The following DOCK3 variants were observed in gnomAD, a reference collection of about 807,000 sequenced individuals.
DOCK3 encodes the protein dedicator of cytokinesis 3, also known as dedicator of cytokinesis protein 3.
A neutral mutation model predicts 265.6 loss-of-function variants in DOCK3; 60 were observed. The ratio of observed to expected loss-of-function variants is 0.23; its 90% CI spans 0.18 to 0.28. The LOEUF (loss-of-function observed/expected upper bound fraction) is 0.28. DOCK3 is among the 10% of genes least tolerant of loss of function. The pLI is 1.00. For missense variants in DOCK3, 1,981 were observed against 2,594.3 expected, an observed-to-expected ratio of 0.76 and a Z score of 5.14; for synonymous variants, 881 against 938.0, an observed-to-expected ratio of 0.94 and a Z score of 1.11.
chr3:51,092,532 C>T (rs1315353622), intron 9 of DOCK3, among the ~76,000 whole-genome samples: 2 of 152,230 alleles, frequency 1.3e-5, no homozygotes, highest in African/African-American at 2.4e-5. Flanking sequence ...ATAGATAAAA[C>T]CCCCATCTCC....
intron 7 of DOCK3, among the ~76,000 whole-genome samples, chr3:51,084,300 T>TA (rs759789490): frequency 6.6e-6 from 1 of 152,060 alleles, no homozygotes; most frequent in African/African-American, 2.4e-5. Context: ...ATCAAACTAT[T>TA]AAAAATCAAA....
intron 2 of DOCK3, among the ~76,000 whole-genome samples, chr3:50,838,074 A>G (rs2045615086): frequency 6.6e-6 from 1 of 152,212 alleles, no homozygotes; most frequent in Admixed American, 6.5e-5. Flanking sequence ...TACCCAAACC[A>G]TTTCCAATAA....
chr3:50,935,688 G>A (rs62257822), intron 5 of DOCK3, among the ~76,000 whole-genome samples: 1 of 152,144 alleles, frequency 6.6e-6, no homozygotes, highest in Non-Finnish European at 1.5e-5. Flanking sequence ...GGCAGTGCTT[G>A]TCCCCACCCA....
chr3:51,163,030 C>G (rs1234570580), intron 12 of DOCK3, among the ~76,000 whole-genome samples: 1 of 152,104 alleles, frequency 6.6e-6, no homozygotes, highest in African/African-American at 2.4e-5. Flanking sequence ...TAGGATTAGT[C>G]ATTTTAATCC....
At chr3:50,730,116 A>G (rs1300455930) in intron 1 of DOCK3, among the ~76,000 whole-genome samples, 1 of 152,132 alleles carries the variant, frequency 6.6e-6, no homozygotes, top group Non-Finnish European at 1.5e-5. Context: ...AAGAAGTAAT[A>G]CTAACTTTGC....
chr3:50,975,665 T>A (rs1320382185), intron 5 of DOCK3, among the ~76,000 whole-genome samples: 1 of 152,202 alleles, frequency 6.6e-6, no homozygotes, highest in Non-Finnish European at 1.5e-5. Flanking sequence ...ATGAAATGAG[T>A]TAGGGAGGAT....
intron 1 of DOCK3, among the ~76,000 whole-genome samples, chr3:50,713,565 C>T (rs2036903920): frequency 6.6e-6 from 1 of 152,082 alleles, no homozygotes; most frequent in Admixed American, 6.6e-5. Context: ...TTCAGTGTTT[C>T]AAGTACAGTA....
intron 5 of DOCK3, among the ~76,000 whole-genome samples, chr3:51,000,944 C>T (rs7614881): frequency 0.83 from 126,950 of 152,292 alleles, 53,390 homozygotes; most frequent in East Asian, 0.94. Context: ...TGGGCCGCCA[C>T]ACCCAGCCTG....
intron 5 of DOCK3, among the ~76,000 whole-genome samples, chr3:50,997,969 A>T (rs538572169): frequency 1.3e-5 from 2 of 152,176 alleles, no homozygotes; most frequent in Non-Finnish European, 2.9e-5. Flanking sequence ...AGAGAATATA[A>T]TGTATTTTAA....
chr3:51,169,801 T>C (rs2086586971), intron 12 of DOCK3, among the ~76,000 whole-genome samples: 2 of 152,168 alleles, frequency 1.3e-5, no homozygotes, highest in Admixed American at 6.5e-5. Flanking sequence ...CTTAATGTGG[T>C]ACGTCACATT....
intron 9 of DOCK3, among the ~76,000 whole-genome samples, chr3:51,098,447 A>G (rs2082954822): frequency 6.6e-6 from 1 of 152,210 alleles, no homozygotes; most frequent in African/African-American, 2.4e-5. Flanking sequence ...TGCTTCTATA[A>G]TTGAAATAGA....
chr3:50,980,471 A>G (rs999063377), intron 5 of DOCK3, among the ~76,000 whole-genome samples: 3 of 152,196 alleles, frequency 2.0e-5, no homozygotes, highest in Admixed American at 1.3e-4. Context: ...TGCTGGCCTC[A>G]TAGAGTAAGT....
At chr3:51,031,831 T>G (rs2080060044) in intron 5 of DOCK3, among the ~76,000 whole-genome samples, 1 of 152,158 alleles carries the variant, frequency 6.6e-6, no homozygotes, top group African/African-American at 2.4e-5. Flanking sequence ...TGGAGGGAAC[T>G]TCCAGCATGT....
chr3:51,164,065 A>G (rs1293073631), intron 12 of DOCK3, among the ~76,000 whole-genome samples: 1 of 152,110 alleles, frequency 6.6e-6, no homozygotes, highest in Non-Finnish European at 1.5e-5. Flanking sequence ...ATGCTTTCAC[A>G]CTGGAAATTC....
At chr3:50,801,587 G>GT (rs1430803117) in intron 2 of DOCK3, among the ~76,000 whole-genome samples, 1 of 152,066 alleles carries the variant, frequency 6.6e-6, no homozygotes, top group Non-Finnish European at 1.5e-5. Flanking sequence ...CAATCTTAAA[G>GT]TTTTTTTTGA....
At chr3:51,366,106 C>A (rs1387536134) in intron 49 of DOCK3, among the ~76,000 whole-genome samples, 2 of 152,194 alleles carry the variant, frequency 1.3e-5, no homozygotes, top group Non-Finnish European at 2.9e-5. Flanking sequence ...GGCTGTGAAT[C>A]CATCTGGTCT....
intron 27 of DOCK3, among the ~76,000 whole-genome samples, chr3:51,284,936 T>G (rs1236490645): frequency 1.3e-5 from 2 of 152,188 alleles, no homozygotes; most frequent in Non-Finnish European, 2.9e-5. Flanking sequence ...CAACAGATCC[T>G]CTTCCCCAGC....
Position 51,209,917 on chromosome 3 carries a change from A to T in DOCK3, c.1126+1055A>T, listed in dbSNP as rs1207202917. Among the ~76,000 whole-genome samples the T allele has an allele frequency of 2.6e-5, 4 of 152,348 alleles. No individual in the cohort carries two copies. The East Asian group carries it at 7.7e-4, about 29-fold the overall frequency. On this transcript the variant is annotated intron_variant, in intron 13 of 52. Transcript: ENST00000266037. ...TTTTTAAATGACAGTATTCCCTTAT[A>T]CATGTGCCTGGATGCCAAGTAGCTC... is the stretch of plus-strand genomic sequence containing the variant.
intron 5 of DOCK3, among the ~76,000 whole-genome samples, chr3:50,986,815 T>A (rs1354334050): frequency 6.6e-6 from 1 of 152,228 alleles, no homozygotes; most frequent in Non-Finnish European, 1.5e-5. Flanking sequence ...ACAGGCTTGC[T>A]TTTTACAAGA....
Sources: allele counts gnomAD v4.1 joint callset (sites outside exome capture counted in the v4.1 genomes callset), GRCh38; gene constraint gnomAD v4.1.1; transcripts MANE v1.5; gene names NCBI Gene and HGNC (gene_info 2026-07-23, HGNC 2026-07-21).